The following UGT1A5 variants were observed in gnomAD, a reference collection of about 807,000 sequenced individuals.
UGT1A5 encodes UDP-glucuronosyltransferase 1A5.
UGT1A5 carries 29 observed loss-of-function variants against 40.3 expected under a neutral mutation model. The ratio of observed to expected loss-of-function variants is 0.72; its 90% CI spans 0.54 to 0.98. The LOEUF (loss-of-function observed/expected upper bound fraction) is 0.98. Ranked by LOEUF, UGT1A5 falls within the 50% of genes least tolerant of loss-of-function variation. The pLI is 0.00. For missense variants in UGT1A5, 678 were observed against 677.9 expected (o/e 1.00, Z 0.00); for synonymous variants, 257 against 262.5 (o/e 0.98, Z 0.20).
intron 1 of UGT1A5, chr2:233,747,572 A>G (rs968411318): frequency 5.2e-5 from 82 of 1,588,740 alleles, no homozygotes; most frequent in Non-Finnish European, 6.5e-5. Context: ...TGAAAAATTC[A>G]TCTTTGGTCT....
At chr2:233,736,684 C>G (rs2078792768) in intron 1 of UGT1A5, among the ~76,000 whole-genome samples, 1 of 152,148 alleles carries the variant, frequency 6.6e-6, no homozygotes, top group Non-Finnish European at 1.5e-5. Flanking sequence ...ATGTTGGTGA[C>G]CTACAGATGG....
At chr2:233,757,313 C>T (rs1359328872) in intron 1 of UGT1A5, among the ~76,000 whole-genome samples, 3 of 66,648 alleles carry the variant, frequency 4.5e-5, no homozygotes, top group African/African-American at 1.8e-4. Context: ...GACAGGGGGG[C>T]TGGGGCCCTG....
At chr2:233,748,166 C>T in intron 1 of UGT1A5, 1 of 1,593,318 alleles carries the variant, frequency 6.3e-7, no homozygotes, top group South Asian at 1.1e-5. Context: ...TCCATATCTA[C>T]TTATCTTTCT....
Position 233,772,667 on chromosome 2 carries a change from T to C in UGT1A5, c.*108T>C. On this transcript the variant is annotated 3_prime_UTR_variant, in exon 5 of 5. Transcript: ENST00000373414. Reference sequence around the variant, plus strand: ...TTTTATTCTTATTAAGGAAATACTTTGCATAAATTAATCAGCCCCAGAGTG... The same window carrying C: ...TTTTATTCTTATTAAGGAAATACTTCGCATAAATTAATCAGCCCCAGAGTG... The C allele has an allele frequency of 2.0e-6, 3 of 1,538,078 alleles. No individual in the cohort carries two copies. Among genetic ancestry groups the C allele is most frequent in the Admixed American group, 4.0e-5 (2 of 50,106 alleles).
chr2:233,764,038 A>G (rs1698463579), intron 1 of UGT1A5, among the ~76,000 whole-genome samples: 1 of 152,218 alleles, frequency 6.6e-6, no homozygotes, highest in East Asian at 1.9e-4. Flanking sequence ...CTAAAGAAGA[A>G]TTCTGGGAAA....
chr2:233,737,663 G>T (rs918279158), intron 1 of UGT1A5, among the ~76,000 whole-genome samples: 2 of 152,176 alleles, frequency 1.3e-5, no homozygotes, highest in African/African-American at 2.4e-5. Context: ...GCTGCAGATC[G>T]GAGCTGTTCC....
rs35802766 is a variant in UGT1A5, at chr2:233,761,211, C to T, written c.868-5823C>T. Reference sequence around the variant, plus strand: ...TTCTTTCAGATGTATTACTTTGGATCGATTAACTAGCCCCAGATATATGCT... The same window carrying T: ...TTCTTTCAGATGTATTACTTTGGATTGATTAACTAGCCCCAGATATATGCT... On this transcript the variant is annotated intron_variant, in intron 1 of 4. Coordinates refer to ENST00000373414, the MANE Select transcript of UGT1A5 (RefSeq NM_019078.2). 81 of 1,613,620 alleles carry T rather than the reference C, an allele frequency of 5.0e-5. No homozygotes were observed. In the East Asian group the frequency reaches 6.7e-4, roughly 13 times the overall value.
At chr2:233,736,335 T>G (rs1256501308) in intron 1 of UGT1A5, among the ~76,000 whole-genome samples, 1 of 152,262 alleles carries the variant, frequency 6.6e-6, no homozygotes, top group Non-Finnish European at 1.5e-5. Context: ...GTTATGAAGT[T>G]CTTGTGCCAT....
At chr2:233,728,376 T>C (rs1983023) in intron 1 of UGT1A5, among the ~76,000 whole-genome samples, 69,101 of 151,732 alleles carry the variant, frequency 0.46, 17,142 homozygotes, top group African/African-American at 0.66. Context: ...ACCATGGGTC[T>C]TTGCTAGGGT....
At chr2:233,755,201 G>T (rs745426123) in intron 1 of UGT1A5, 6 of 1,105,450 alleles carry the variant, frequency 5.4e-6, no homozygotes, top group Non-Finnish European at 7.7e-6. Flanking sequence ...CCAGCTTGCG[G>T]TACGCCTTCT....
At chr2:233,764,888 CAA>C (rs869174020) in intron 1 of UGT1A5, among the ~76,000 whole-genome samples, 32 of 147,518 alleles carry the variant, frequency 2.2e-4, no homozygotes, top group African/African-American at 8.0e-4. Flanking sequence ...AAGGCAAAGA[CAA>C]AGCCCTTAAG....
chr2:233,713,360 C>A lies in UGT1A5; in HGVS notation c.369C>A (p.Ile123=), dbSNP rs377457908. The stretch of plus-strand genomic sequence containing the variant: ...CAATTATGAACAATATGTCTTTGAT[C>A]ATACATAGGTCTTGTGTGGAGCTAC... The part of the protein sequence containing the change: ...RMAIMNNMSL[I]IHRSCVELLH... The change falls in exon 1 of 5, where the codon ATC becomes ATA. Residue 123 remains isoleucine (I), a synonymous_variant. Coordinates refer to ENST00000373414, the MANE Select transcript of UGT1A5 (RefSeq NM_019078.2). 1.3e-5 allele frequency: 21 copies of A among 1,614,044 alleles called. No homozygotes were observed. The African/African-American group carries it at 2.1e-4, about 16-fold the overall frequency.
In UGT1A5 at chr2:233,713,181, G is replaced by A; in HGVS notation, c.190G>A (p.Glu64Lys). 2 of 1,614,248 alleles carry A rather than the reference G, an allele frequency of 1.2e-6. No homozygotes were observed. The highest frequency in any genetic ancestry group is 1.7e-6 in the Non-Finnish European group (2 of 1,180,048). Residue 64 changes from glutamate (E) to lysine (K), a missense_variant, in exon 1 of 5, where the codon GAG becomes AAG. Glu to Lys is a moderately conservative substitution (Grantham distance 56, BLOSUM62 1). Transcript: ENST00000373414. ...RGHQVVVLTL[E>K]VNMYIKEENF... ...CCACCAGGTGGTGGTCCTCACCCTG[G>A]AGGTGAATATGTACATCAAAGAAGA...
intron 1 of UGT1A5, chr2:233,756,082 A>G (rs549873303): frequency 1.3e-5 from 2 of 152,358 alleles, no homozygotes; most frequent in African/African-American, 4.8e-5. Flanking sequence ...CAATGAGAAA[A>G]TCAAGTAACA....
chr2:233,743,134 T>TA (rs919324462), intron 1 of UGT1A5: 10 of 357,158 alleles, frequency 2.8e-5, no homozygotes, highest in East Asian at 7.3e-5. Context: ...CTTTCAATCC[T>TA]AAAAAAAGTC....
chr2:233,724,981 G>A lies in UGT1A5; in HGVS notation c.867+11123G>A, dbSNP rs528946654. Among the ~76,000 whole-genome samples, 6 of 134,964 alleles carry A rather than the reference G, an allele frequency of 4.4e-5. 1 individual carries two copies. Among genetic ancestry groups the A allele is most frequent in the South Asian group, 2.4e-4 (1 of 4,092 alleles). The allele number at this position is 134,964 out of a possible 152,430, so 88.5% of individuals were successfully genotyped here. On this transcript the variant is annotated intron_variant, in intron 1 of 4. Transcript: ENST00000373414. ...GGAGGCCGAGGTTGGCGGATCACTC[G>A]CGGTTAGGGGCTGGAGACCGGCCCG...
rs1472229025 is a variant in UGT1A5 at position 233,772,837 on chromosome 2, T to C, written c.*278T>C. ...CGTGCAGACAGGCTGGCATTCTAGA[T>C]TACTTTTCTTACTCTGAAACATGGC... is the stretch of plus-strand genomic sequence containing the variant. On this transcript the variant is annotated 3_prime_UTR_variant, in exon 5 of 5. Transcript: ENST00000373414. 1.2e-6 allele frequency: 1 copy of C among 832,170 alleles called. No homozygotes were observed. The highest frequency in any genetic ancestry group is 1.7e-6 in the Non-Finnish European group (1 of 590,342). The allele number at this position is 832,170 out of a possible 1,614,324, so 51.5% of individuals were successfully genotyped here.
intron 1 of UGT1A5, among the ~76,000 whole-genome samples, chr2:233,715,537 C>T (rs532391786): frequency 4.5e-4 from 69 of 152,064 alleles, no homozygotes; most frequent in African/African-American, 1.4e-3. Context: ...TTTGGGAGAC[C>T]GAGGGAGGAG....
At position 233,767,472 on chromosome 2, in the gene UGT1A5, A is replaced by G. The variant is rs1018124; in HGVS notation, c.999+307A>G. 0.091 allele frequency among the ~76,000 whole-genome samples: 13,872 copies of G among 152,248 alleles called. 828 individuals carry two copies. The highest frequency in any genetic ancestry group is 0.2 in the East Asian group (1,015 of 5,184). On this transcript the variant is annotated intron_variant, in intron 2 of 4. Coordinates refer to ENST00000373414, the MANE Select transcript of UGT1A5 (RefSeq NM_019078.2). ...AATAAATGGGATATTGTTTCTTCAT[A>G]TTAAATAGAAGTATTTCTCCAAAAA...
Sources: gnomAD v4.1 joint callset for allele counts (sites outside exome capture counted in the v4.1 genomes callset) on GRCh38, gnomAD v4.1.1 for gene constraint, MANE v1.5 for transcripts, NCBI Gene and HGNC (gene_info 2026-07-23, HGNC 2026-07-21) for gene names.